The following ABHD12B variants were observed in gnomAD, a reference collection of about 807,000 sequenced individuals.
ABHD12B encodes protein ABHD12B.
A neutral mutation model predicts 50.4 loss-of-function variants in ABHD12B; 42 were observed. The observed-to-expected ratio is 0.83, with a 90% CI of 0.65 to 1.08. The LOEUF (loss-of-function observed/expected upper bound fraction) is 1.08, where lower values mean the gene tolerates loss of function less well. Ranked by LOEUF, ABHD12B falls within the 50% of genes least tolerant of loss-of-function variation. ABHD12B has a pLI of 0.00. For missense variants in ABHD12B, 479 were observed against 447.7 expected, an observed-to-expected ratio of 1.07 and a Z score of -0.63; for synonymous variants, 167 against 160.3, an observed-to-expected ratio of 1.04 and a Z score of -0.32.
At chr14:50,872,744 A>C (rs2049804056) in intron 1 of ABHD12B, among the ~76,000 whole-genome samples, 1 of 152,222 alleles carries the variant, frequency 6.6e-6, no homozygotes. Context: ...ATCCGTGCCT[A>C]GTTCCCTGAG....
At chr14:50,898,020 T>G (rs1020493896) in intron 9 of ABHD12B, among the ~76,000 whole-genome samples, 4 of 152,188 alleles carry the variant, frequency 2.6e-5, no homozygotes, top group African/African-American at 4.8e-5. Context: ...GACCTAAGCT[T>G]CTTTCTTGAA....
Position 50,881,702 on chromosome 14 carries a change from C to A in ABHD12B, c.486+76C>A, listed in dbSNP as rs144483430. On this transcript the variant is annotated intron_variant, in intron 5 of 12. Transcript: ENST00000337334. Reference sequence around the variant, plus strand: ...GTCATAAGATTTTCCTCAGGCCCTCCGCGTGGTTGTTTTTTGAGAGGTCTC... The same window carrying A: ...GTCATAAGATTTTCCTCAGGCCCTCAGCGTGGTTGTTTTTTGAGAGGTCTC... 1.6e-4 allele frequency: 261 copies of A among 1,581,954 alleles called. 1 individual carries two copies. In the African/African-American group the frequency reaches 3.1e-3, roughly 19 times the overall value.
chr14:50,885,359 T>C (rs1320733298), intron 5 of ABHD12B, among the ~76,000 whole-genome samples: 2 of 152,232 alleles, frequency 1.3e-5, no homozygotes, highest in Admixed American at 6.5e-5. Flanking sequence ...AATAGCTGTT[T>C]TTCTATTAAA....
Position 50,880,569 on chromosome 14 carries a change from C to T in ABHD12B, c.453C>T (p.His151=), listed in dbSNP as rs1236287267. ...TTTATCTTCATGGCAGTGCAGAACA[C>T]AGGTCAGTGGCTCTGCTTACATATT... is the stretch of plus-strand genomic sequence containing the variant. The part of the protein sequence containing the change: ...IIVYLHGSAE[H]RAASHRLKLV... Residue 151 remains histidine, a splice_region_variant and synonymous_variant, in exon 4 of 13, where the codon CAC becomes CAT. Transcript: ENST00000337334. 7.6e-6 allele frequency: 12 copies of T among 1,583,030 alleles called. No individual in the cohort carries two copies. The highest frequency in any genetic ancestry group is 1.0e-5 in the Non-Finnish European group (12 of 1,164,740).
At chr14:50,881,111 C>T (rs749863569) in intron 4 of ABHD12B, among the ~76,000 whole-genome samples, 5 of 152,226 alleles carry the variant, frequency 3.3e-5, no homozygotes, top group African/African-American at 9.7e-5. Context: ...GTCCCAACCT[C>T]GCTCTGTAAC....
At chr14:50,902,826 TC>T (rs2050276631) in intron 10 of ABHD12B, among the ~76,000 whole-genome samples, 2 of 152,128 alleles carry the variant, frequency 1.3e-5, no homozygotes. Context: ...GACAAGACAT[TC>T]TTCATGCCAT....
At chr14:50,899,646 C>T (rs767470068) in intron 9 of ABHD12B, among the ~76,000 whole-genome samples, 12 of 152,050 alleles carry the variant, frequency 7.9e-5, no homozygotes, top group Non-Finnish European at 1.8e-4. Flanking sequence ...TTCCTCTTTG[C>T]AAATTTATTG....
chr14:50,903,105 T>G (rs1307574517), intron 10 of ABHD12B, among the ~76,000 whole-genome samples: 1 of 142,140 alleles, frequency 7.0e-6, no homozygotes, highest in Non-Finnish European at 1.5e-5. Flanking sequence ...GTTTCAGTGT[T>G]TTTTGTTTTT....
chr14:50,881,445 C>A, intron 4 of ABHD12B, 151 bp from the exon 5 acceptor site: 6 of 636,622 alleles, frequency 9.4e-6, no homozygotes, highest in Non-Finnish European at 1.2e-5. Context: ...TTTTTTTTTA[C>A]ATTTCCCCTT....
In ABHD12B at chr14:50,886,637, T is replaced by C. The variant is rs578256505; in HGVS notation, c.663-10T>C. 2.2e-5 allele frequency: 35 copies of C among 1,607,620 alleles called. 1 individual carries two copies. In the South Asian group the frequency reaches 3.8e-4, roughly 17 times the overall value. On this transcript the variant is annotated splice_polypyrimidine_tract_variant and intron_variant, in intron 7 of 12. Coordinates refer to ENST00000337334, the MANE Select transcript of ABHD12B (RefSeq NM_001206673.2). ...GCTTAACACATGTACTAATTTTCAT[T>C]GCTTTACAGAGTTGCAACAAATGCT...
chr14:50,889,043 G>A, intron 9 of ABHD12B, 140 bp downstream of exon 9: 4 of 613,502 alleles, frequency 6.5e-6, no homozygotes, highest in Non-Finnish European at 1.0e-5. Flanking sequence ...TCTAATCTGA[G>A]ACAGTTTATT....
chr14:50,904,888 G>T lies in ABHD12B; in HGVS notation c.*522G>T. The T allele has an allele frequency of 8.6e-6, 2 of 232,018 alleles. No homozygotes were observed. The highest frequency in any genetic ancestry group is 1.3e-4 in the South Asian group (2 of 15,948). 14.4% of individuals were successfully genotyped at this position (232,018 alleles called of 1,614,324 possible). ...ATGAACCACAAAGTAGCCCTCATCA[G>T]ACACTGAATCAGCCAGTGCCTTGCT... is the stretch of plus-strand genomic sequence containing the variant. On this transcript the variant is annotated 3_prime_UTR_variant, in exon 13 of 13. Coordinates refer to ENST00000337334, the MANE Select transcript of ABHD12B (RefSeq NM_001206673.2).
chr14:50,903,457 A>G lies in ABHD12B; in HGVS notation c.932A>G (p.Tyr311Cys). 6.2e-7 allele frequency: 1 copy of G among 1,612,078 alleles called. No homozygotes were observed. The highest frequency in any genetic ancestry group is 8.5e-7 in the Non-Finnish European group (1 of 1,178,774). ...GATGACAGGACAGTGCCTTTGGAGT[A>G]TGGGAAAAAGGTAAACTAAGGGCTC... ...GEDDRTVPLE[Y>C]GKKLYEIARN... Residue 311 changes from tyrosine to cysteine, a missense_variant, in exon 11 of 13, where the codon TAT becomes TGT. Transcript: ENST00000337334.
intron 8 of ABHD12B, among the ~76,000 whole-genome samples, chr14:50,887,513 T>A (rs1230538735): frequency 6.6e-6 from 1 of 152,184 alleles, no homozygotes; most frequent in East Asian, 1.9e-4. Context: ...TGCCATACAA[T>A]TTAAACATTT....
At chr14:50,901,317 T>C (rs1051704424) in intron 9 of ABHD12B, among the ~76,000 whole-genome samples, 1 of 152,256 alleles carries the variant, frequency 6.6e-6, no homozygotes, top group East Asian at 1.9e-4. Flanking sequence ...CATTGTTATA[T>C]CTGGAATCCT....
At position 50,904,171 on chromosome 14, in the gene ABHD12B, C is replaced by G. The variant is rs2050301028; in HGVS notation, c.1040C>G (p.Pro347Arg). Residue 347 changes from proline (P) to arginine (R), a missense_variant, in exon 12 of 13, where the codon CCC (proline) becomes CGC (arginine). Physicochemically the swap from Pro to Arg is moderately radical, Grantham distance 103. Transcript: ENST00000337334. The stretch of plus-strand genomic sequence containing the variant: ...CAACACAACCTGCTTTGTAAAAGCC[C>G]CACACTGTTAATAACCGTGAGGTAA... ...GFQHNLLCKS[P>R]TLLITVRDFL... 6.2e-7 allele frequency: 1 copy of G among 1,613,994 alleles called. No individual in the cohort carries two copies.
At chr14:50,897,706 C>A (rs760176438) in intron 9 of ABHD12B, among the ~76,000 whole-genome samples, 15 of 152,158 alleles carry the variant, frequency 9.9e-5, no homozygotes, top group Non-Finnish European at 1.8e-4. Flanking sequence ...TGGCCACATA[C>A]CCTTTGTGAC....
chr14:50,875,279 T>C (rs1198102126), intron 1 of ABHD12B, among the ~76,000 whole-genome samples: 1 of 152,206 alleles, frequency 6.6e-6, no homozygotes, highest in Non-Finnish European at 1.5e-5. Flanking sequence ...GGGGATTTGG[T>C]TGGGAGGATG....
intron 1 of ABHD12B, among the ~76,000 whole-genome samples, chr14:50,873,587 T>C (rs1458155674): frequency 6.6e-6 from 1 of 152,190 alleles, no homozygotes; most frequent in Non-Finnish European, 1.5e-5. Flanking sequence ...CCCAGTCACC[T>C]AGAACCCATG....
Sources: gnomAD v4.1 joint callset for allele counts (sites outside exome capture counted in the v4.1 genomes callset) on GRCh38, gnomAD v4.1.1 for gene constraint, MANE v1.5 for transcripts, NCBI Gene and HGNC (gene_info 2026-07-23, HGNC 2026-07-21) for gene names.